Variants in PSD3 observed in about 807,000 individuals in gnomAD.
The protein encoded by PSD3 is PH and SEC7 domain-containing protein 3.
PSD3 carries 49 observed loss-of-function variants against 105.5 expected under a neutral mutation model. The observed-to-expected ratio is 0.46, with a 90% confidence interval of 0.37 to 0.59. The LOEUF is 0.59. Ranked by LOEUF, PSD3 falls within the 20% of genes least tolerant of loss-of-function variation. PSD3 has a pLI of 0.00. For missense variants in PSD3, 1,561 were observed against 1,263.8 expected (o/e 1.24, Z -3.57); for synonymous variants, 557 against 457.8 (o/e 1.22, Z -2.77).
At chr8:18,558,810 G>A (rs1801229765) in intron 14 of PSD3, among the ~76,000 whole-genome samples, 1 of 152,086 alleles carries the variant, frequency 6.6e-6, no homozygotes, top group Non-Finnish European at 1.5e-5. Context: ...GACAGAGCAA[G>A]ACTCCATCTC....
intron 3 of PSD3, 120 bp downstream of exon 3, chr8:18,871,506 T>C (rs1407264992): frequency 3.1e-6 from 4 of 1,296,934 alleles, no homozygotes; most frequent in Non-Finnish European, 4.2e-6. Context: ...ACTCATCTTA[T>C]ATTCCATGAT....
At chr8:18,583,195 T>A (rs2130428925) in intron 12 of PSD3, among the ~76,000 whole-genome samples, 1 of 152,232 alleles carries the variant, frequency 6.6e-6, no homozygotes, top group Non-Finnish European at 1.5e-5. Flanking sequence ...TCCCTGCACT[T>A]TGGGAGGTCA....
At chr8:18,940,787 T>A (rs1269557010) in intron 1 of PSD3, among the ~76,000 whole-genome samples, 1 of 152,162 alleles carries the variant, frequency 6.6e-6, no homozygotes, top group Non-Finnish European at 1.5e-5. Context: ...CTAGATATAA[T>A]CCCTGGGTCT....
intron 2 of PSD3, among the ~76,000 whole-genome samples, chr8:18,874,702 C>CAAAAAAAA (rs746055038): frequency 1.9e-5 from 1 of 52,824 alleles, no homozygotes; most frequent in African/African-American, 7.0e-5. Flanking sequence ...GACTCCATCT[C>CAAAAAAAA]AAAAAAAAAA....
intron 9 of PSD3, among the ~76,000 whole-genome samples, chr8:18,735,038 G>A (rs1018055024): frequency 6.0e-4 from 92 of 152,132 alleles, no homozygotes; most frequent in African/African-American, 2.0e-3. Context: ...CACATACGCC[G>A]AGGACCACTC....
chr8:18,747,982 C>T (rs943255434), intron 9 of PSD3, among the ~76,000 whole-genome samples: 4 of 151,988 alleles, frequency 2.6e-5, no homozygotes, highest in African/African-American at 7.2e-5. Flanking sequence ...CGGAAGTCTT[C>T]GTATGTACTA....
intron 15 of PSD3, among the ~76,000 whole-genome samples, chr8:18,549,005 C>T (rs534061333): frequency 1.1e-4 from 17 of 152,218 alleles, no homozygotes; most frequent in Admixed American, 2.0e-4. Flanking sequence ...GCATCCTACA[C>T]GTCTCAGGGA....
chr8:18,725,068 TA>T (rs1563201555), intron 9 of PSD3, among the ~76,000 whole-genome samples: 1 of 152,218 alleles, frequency 6.6e-6, no homozygotes, highest in African/African-American at 2.4e-5. Context: ...TTCTACCAAA[TA>T]AACTTCCATT....
intron 2 of PSD3, among the ~76,000 whole-genome samples, chr8:18,890,505 G>A (rs1245281048): frequency 6.6e-6 from 1 of 152,112 alleles, no homozygotes; most frequent in African/African-American, 2.4e-5. Flanking sequence ...TCACGCCAGA[G>A]CTCTGTACTC....
At chr8:18,548,226 T>A (rs1335530023) in intron 15 of PSD3, among the ~76,000 whole-genome samples, 3 of 152,330 alleles carry the variant, frequency 2.0e-5, no homozygotes, top group African/African-American at 7.2e-5. Flanking sequence ...GAGGAATCAA[T>A]GAACTCTTGT....
chr8:18,546,432 A>T (rs1273161014), intron 15 of PSD3, among the ~76,000 whole-genome samples: 1 of 152,226 alleles, frequency 6.6e-6, no homozygotes, highest in Non-Finnish European at 1.5e-5. Context: ...CCAAGGAGTC[A>T]GTGAGCCATA....
chr8:18,764,819 CA>C (rs1417703294), intron 9 of PSD3, among the ~76,000 whole-genome samples: 1 of 152,158 alleles, frequency 6.6e-6, no homozygotes, highest in Non-Finnish European at 1.5e-5. Context: ...TACAACCCCC[CA>C]AATACTCATA....
intron 1 of PSD3, among the ~76,000 whole-genome samples, chr8:19,045,453 T>TTCCTG (rs1828283899): frequency 1.3e-5 from 2 of 152,196 alleles, no homozygotes; most frequent in Non-Finnish European, 2.9e-5. Flanking sequence ...CAGCCGCCCT[T>TTCCTG]GAACACAGCC....
chr8:18,666,247 C>T (rs1044419824), intron 9 of PSD3, among the ~76,000 whole-genome samples: 2 of 152,156 alleles, frequency 1.3e-5, no homozygotes, highest in Admixed American at 6.6e-5. Context: ...GACAGGGTTT[C>T]GCCATGTTGG....
intron 9 of PSD3, among the ~76,000 whole-genome samples, chr8:18,765,197 C>G (rs1806872000): frequency 6.6e-6 from 1 of 152,182 alleles, no homozygotes; most frequent in African/African-American, 2.4e-5. Flanking sequence ...CTGCCACTCA[C>G]TATTTGTATC....
chr8:18,679,182 G>T (rs1297585675), intron 9 of PSD3, among the ~76,000 whole-genome samples: 1 of 152,198 alleles, frequency 6.6e-6, no homozygotes, highest in Non-Finnish European at 1.5e-5. Context: ...ACAACAATCT[G>T]CAAGCCTGCC....
At chr8:18,617,258 T>G (rs778216166) in intron 11 of PSD3, among the ~76,000 whole-genome samples, 23 of 152,166 alleles carry the variant, frequency 1.5e-4, no homozygotes, top group Non-Finnish European at 2.8e-4. Flanking sequence ...TGGCCGGGCA[T>G]GGTCGCTCAT....
At position 18,542,694 on chromosome 8, in the gene PSD3, G is replaced by A. The variant is rs188762231; in HGVS notation, c.2929-6736C>T. On this transcript the variant is annotated intron_variant, in intron 15 of 15. Transcript: ENST00000327040. Reference sequence around the variant, plus strand: ...GTAAAAAGAAGAGTCTTGCAGTCAAGTAGCCTGTTGTTGACAATGCCTCTA... The same window carrying A: ...GTAAAAAGAAGAGTCTTGCAGTCAAATAGCCTGTTGTTGACAATGCCTCTA... Among the ~76,000 whole-genome samples the A allele has an allele frequency of 3.8e-3, 574 of 152,316 alleles. 3 individuals are homozygous for A. The highest frequency in any genetic ancestry group is 0.013 in the African/African-American group (548 of 41,570).
In PSD3 at chr8:18,767,193, T is replaced by C. The variant is rs28709012; in HGVS notation, c.2083-1655A>G. On this transcript the variant is annotated intron_variant, in intron 8 of 15. Transcript: ENST00000327040. ...AAGGAAATTGCATTAATAAAGTAAT[T>C]AGAAAATCCAAACTACAAAAAGAGC... Among the ~76,000 whole-genome samples, 388 of 152,282 alleles carry C rather than the reference T, an allele frequency of 2.5e-3. 1 individual carries two copies. Among genetic ancestry groups the C allele is most frequent in the African/African-American group, 8.7e-3 (361 of 41,556 alleles).
Sources: gnomAD v4.1 joint callset for allele counts (sites outside exome capture counted in the v4.1 genomes callset) on GRCh38, gnomAD v4.1.1 for gene constraint, MANE v1.5 for transcripts, NCBI Gene and HGNC (gene_info 2026-07-23, HGNC 2026-07-21) for gene names.